The following PIK3C2A variants were observed in gnomAD, a reference collection of about 807,000 sequenced individuals.
PIK3C2A encodes phosphatidylinositol 4-phosphate 3-kinase C2 domain-containing subunit alpha.
A neutral mutation model predicts 204.5 loss-of-function variants in PIK3C2A; 97 were observed. That is an observed-to-expected ratio of 0.47 (90% CI 0.40 to 0.56). The LOEUF (loss-of-function observed/expected upper bound fraction) is 0.56. Ranked by LOEUF, PIK3C2A falls within the 20% of genes least tolerant of loss-of-function variation. The pLI is 0.00. For synonymous variants in PIK3C2A, 653 were observed against 664.4 expected, an observed-to-expected ratio of 0.98 and a Z score of 0.26; for missense variants, 1,735 against 1,969.2, an observed-to-expected ratio of 0.88 and a Z score of 2.25.
chr11:17,156,023 T>C (rs530388336), intron 2 of PIK3C2A, among the ~76,000 whole-genome samples: 1 of 152,318 alleles, frequency 6.6e-6, no homozygotes, highest in Admixed American at 6.5e-5. Context: ...AGAAATTCTA[T>C]ATATTCAACT....
In PIK3C2A at chr11:17,111,091, A is replaced by G. The variant is rs572907447; in HGVS notation, c.3415-530T>C. 2.9e-3 allele frequency among the ~76,000 whole-genome samples: 448 copies of G among 152,066 alleles called. 3 individuals carry two copies. Among genetic ancestry groups the G allele is most frequent in the African/African-American group, 0.01 (424 of 41,506 alleles). ...CCTGGCTAATTTTTGTATTTTTAGTAGAGATGGGGTTTCACCACGTTGGCC... is the reference window on the plus strand; with the variant it reads ...CCTGGCTAATTTTTGTATTTTTAGTGGAGATGGGGTTTCACCACGTTGGCC... On this transcript the variant is annotated intron_variant, in intron 21 of 32. Transcript: ENST00000691414.
intron 1 of PIK3C2A, among the ~76,000 whole-genome samples, chr11:17,188,829 AG>A (rs1400715543): frequency 6.8e-6 from 1 of 147,012 alleles, no homozygotes; most frequent in African/African-American, 2.7e-5. Flanking sequence ...AATCCATCTG[AG>A]GTAATCCAAG....
intron 3 of PIK3C2A, among the ~76,000 whole-genome samples, chr11:17,152,537 C>A (rs1350265007): frequency 6.6e-6 from 1 of 151,910 alleles, no homozygotes; most frequent in African/African-American, 2.4e-5. Flanking sequence ...TCAATATAGA[C>A]CAGATAAGGT....
chr11:17,175,313 C>T (rs1851302626), intron 1 of PIK3C2A, among the ~76,000 whole-genome samples: 1 of 152,122 alleles, frequency 6.6e-6, no homozygotes, highest in Non-Finnish European at 1.5e-5. Flanking sequence ...TAAAAGTGAG[C>T]TGATTGCTAC....
At chr11:17,186,473 C>G (rs183494214) in intron 1 of PIK3C2A, among the ~76,000 whole-genome samples, 18 of 152,132 alleles carry the variant, frequency 1.2e-4, no homozygotes, top group Admixed American at 1.0e-3. Context: ...AGTTGTTAAA[C>G]AAATAGGTGA....
chr11:17,096,042 C>CTT (rs369643057), intron 27 of PIK3C2A, among the ~76,000 whole-genome samples: 4 of 145,134 alleles, frequency 2.8e-5, no homozygotes, highest in East Asian at 4.0e-4. Flanking sequence ...GCTAGTTAAA[C>CTT]TTTTTTTTTT....
At position 17,169,048 on chromosome 11, in the gene PIK3C2A, T is replaced by C; in HGVS notation, c.694A>G (p.Ser232Gly). Residue 232 changes from serine to glycine, a missense_variant, in exon 2 of 33, where the codon AGT (serine) becomes GGT (glycine). Ser to Gly is a moderately conservative substitution (Grantham distance 56, BLOSUM62 0). Around this residue, in one of 6 missense-constraint regions of PIK3C2A, gnomAD observed 536 missense variants for 546.7 expected, o/e 0.98. Coordinates refer to ENST00000691414, the MANE Select transcript of PIK3C2A (RefSeq NM_002645.4). The part of the protein sequence containing the change: ...DMAKLFDKIA[S>G]TSEFLKNGKA... ...CCATTTTTTAAAAATTCTGATGTAC[T>C]AGCTATTTTGTCAAATAGTTTTGCC... 2.5e-6 allele frequency: 4 copies of C among 1,613,812 alleles called. No homozygotes were observed. The highest frequency in any genetic ancestry group is 3.4e-6 in the Non-Finnish European group (4 of 1,179,760).
chr11:17,202,648 T>C (rs931307306), intron 1 of PIK3C2A, among the ~76,000 whole-genome samples: 1 of 152,152 alleles, frequency 6.6e-6, no homozygotes, highest in Non-Finnish European at 1.5e-5. Flanking sequence ...TAATTTATTA[T>C]GCTAAGTAAG....
Position 17,129,190 on chromosome 11 carries a change from G to A in PIK3C2A, c.2399+110C>T, listed in dbSNP as rs755353681. On this transcript the variant is annotated intron_variant, in intron 13 of 32. Transcript: ENST00000691414. ...CTTTTATCACATTAGAAAAACTGAA[G>A]AGGCTCATTCACTCATCTATGTTCC... is the stretch of plus-strand genomic sequence containing the variant. 28 of 772,316 alleles carry A rather than the reference G, an allele frequency of 3.6e-5. No homozygotes were observed. The Admixed American group carries it at 4.4e-4, about 12-fold the overall frequency. 47.8% of individuals were successfully genotyped at this position (772,316 alleles called of 1,614,324 possible).
At chr11:17,129,546 T>C (rs1055447484) in intron 12 of PIK3C2A, 79 bp from the exon 13 acceptor site, 4 of 837,454 alleles carry the variant, frequency 4.8e-6, no homozygotes, top group Non-Finnish European at 7.8e-6. Flanking sequence ...AGACTGACAA[T>C]TTTAGGTATT....
At chr11:17,118,622 A>T in intron 18 of PIK3C2A, 23 bp downstream of exon 18, 2 of 1,029,326 alleles carry the variant, frequency 1.9e-6, no homozygotes, top group Non-Finnish European at 3.0e-6. Flanking sequence ...GAAATACGGT[A>T]ATCAATAAAA....
At chr11:17,201,496 C>T (rs767394148) in intron 1 of PIK3C2A, among the ~76,000 whole-genome samples, 12 of 131,480 alleles carry the variant, frequency 9.1e-5, no homozygotes, top group Non-Finnish European at 1.5e-4. Context: ...CACTGCACTA[C>T]AGCCTGGTGA....
chr11:17,142,246 G>A (rs1042397656), intron 8 of PIK3C2A, among the ~76,000 whole-genome samples: 1 of 152,132 alleles, frequency 6.6e-6, no homozygotes, highest in Non-Finnish European at 1.5e-5. Context: ...TGTGGAAAAG[G>A]TTAAGGTTAG....
At chr11:17,099,730 G>A in intron 26 of PIK3C2A, 130 bp downstream of exon 26, 1 of 523,872 alleles carries the variant, frequency 1.9e-6, no homozygotes, top group South Asian at 3.0e-5. Flanking sequence ...CCTACTATGT[G>A]CAATTACTAT....
chr11:17,172,272 G>A (rs1340300358), intron 1 of PIK3C2A, among the ~76,000 whole-genome samples: 1 of 152,172 alleles, frequency 6.6e-6, no homozygotes, highest in African/African-American at 2.4e-5. Flanking sequence ...TGTGGGAATA[G>A]GAGTTCCAAA....
At chr11:17,130,924 C>T (rs554403245) in intron 12 of PIK3C2A, among the ~76,000 whole-genome samples, 25 of 151,772 alleles carry the variant, frequency 1.6e-4, no homozygotes, top group Non-Finnish European at 2.1e-4. Flanking sequence ...CGGTGGCTCA[C>T]GCCTGTAATC....
intron 1 of PIK3C2A, among the ~76,000 whole-genome samples, chr11:17,194,916 A>G (rs1204531422): frequency 6.6e-6 from 1 of 151,710 alleles, no homozygotes; most frequent in Non-Finnish European, 1.5e-5. Context: ...TCTCGAAGAA[A>G]AAAAAAAAAA....
intron 20 of PIK3C2A, among the ~76,000 whole-genome samples, chr11:17,114,084 T>A (rs1299969396): frequency 6.7e-6 from 1 of 148,290 alleles, no homozygotes; most frequent in Non-Finnish European, 1.5e-5. Context: ...TCTCAAAAAA[T>A]AAATAAATAA....
In PIK3C2A at chr11:17,097,275, A is replaced by G; in HGVS notation, c.4119-11T>C. 2 of 1,578,370 alleles carry G rather than the reference A, an allele frequency of 1.3e-6. No homozygotes were observed. Among genetic ancestry groups the G allele is most frequent in the Non-Finnish European group, 1.7e-6 (2 of 1,150,188 alleles). On this transcript the variant is annotated splice_polypyrimidine_tract_variant and intron_variant, in intron 26 of 32. Transcript: ENST00000691414. ...CTTGATTCAATAAGCCTACAAAATAATCAGAAAATTCGTTAACAGTAAATG... is the reference window on the plus strand; with the variant it reads ...CTTGATTCAATAAGCCTACAAAATAGTCAGAAAATTCGTTAACAGTAAATG...
Sources: gnomAD v4.1 joint callset for allele counts (sites outside exome capture counted in the v4.1 genomes callset) on GRCh38, gnomAD v4.1.1 for gene constraint, gnomAD v4.1.1 regional missense constraint, MANE v1.5 for transcripts, NCBI Gene and HGNC (gene_info 2026-07-23, HGNC 2026-07-21) for gene names.